The following SHANK2 variants were observed in gnomAD, a reference collection of about 807,000 sequenced individuals.
SHANK2 encodes the protein SH3 and multiple ankyrin repeat domains protein 2.
SHANK2 carries 43 observed loss-of-function variants against 133.7 expected under a neutral mutation model. The ratio of observed to expected loss-of-function variants is 0.32; its 90% CI spans 0.25 to 0.41. The LOEUF (loss-of-function observed/expected upper bound fraction) is 0.41, where lower values mean the gene tolerates loss of function less well. Ranked by LOEUF, SHANK2 falls within the 10% of genes least tolerant of loss-of-function variation. The pLI is 1.00. For synonymous variants in SHANK2, 1,017 were observed against 952.8 expected (o/e 1.07, Z -1.24); for missense variants, 1,994 against 2,235.8 (o/e 0.89, Z 2.18).
At chr11:70,680,375 G>A (rs903205536) in intron 15 of SHANK2, among the ~76,000 whole-genome samples, 3 of 152,112 alleles carry the variant, frequency 2.0e-5, no homozygotes, top group Admixed American at 6.5e-5. Flanking sequence ...GTTGGAGGGC[G>A]GGCTCCCCAC....
At chr11:70,489,521 G>A (rs1366132096) in intron 23 of SHANK2, 173 bp from the exon 24 acceptor site, 4 of 707,436 alleles carry the variant, frequency 5.7e-6, no homozygotes, top group Non-Finnish European at 1.0e-5. Context: ...AGCACGCTGC[G>A]CTTTTGCACA....
intron 14 of SHANK2, among the ~76,000 whole-genome samples, chr11:70,774,108 G>A (rs1947311316): frequency 6.6e-6 from 1 of 152,202 alleles, no homozygotes; most frequent in Admixed American, 6.5e-5. Flanking sequence ...ACCATACAAT[G>A]AAATACAACT....
At chr11:71,085,776 TTATATTATATAATATATGATACAACATA>T (rs1951388933) in intron 8 of SHANK2, among the ~76,000 whole-genome samples, 1 of 74,650 alleles carries the variant, frequency 1.3e-5, no homozygotes, top group Non-Finnish European at 2.3e-5. Flanking sequence ...TATATTATAT[TTATATTATATAATATATGATACAACATA>T]ATATATTATG....
rs558192742 is a variant in SHANK2, at chr11:70,590,015, C to T, written c.2061+69813G>A. ...AAAAATACAAAAAAAATTAGCCAGG[C>T]GCGGTGGCGGGCGCCTGTAGTTCCA... On this transcript the variant is annotated intron_variant, in intron 17 of 25. Coordinates refer to ENST00000601538, the MANE Select transcript of SHANK2 (RefSeq NM_012309.5). 2.6e-5 allele frequency among the ~76,000 whole-genome samples: 4 copies of T among 152,236 alleles called. No homozygotes were observed. In the South Asian group the frequency reaches 6.2e-4, roughly 24 times the overall value.
At chr11:70,725,777 G>A (rs781901072) in intron 14 of SHANK2, among the ~76,000 whole-genome samples, 15 of 152,156 alleles carry the variant, frequency 9.9e-5, no homozygotes, top group Admixed American at 3.9e-4. Context: ...TGGATGACCC[G>A]GTAGACCTCT....
intron 17 of SHANK2, among the ~76,000 whole-genome samples, chr11:70,636,295 GTGTGTGAGCAGA>G (rs1186830717): frequency 6.6e-5 from 10 of 152,378 alleles, no homozygotes; most frequent in African/African-American, 1.4e-4. Flanking sequence ...GTATGAGTAT[GTGTGTGAGCAGA>G]TGTGTGAGCG....
chr11:70,864,013 T>C, intron 11 of SHANK2: 1 of 384,372 alleles, frequency 2.6e-6, no homozygotes. Context: ...ACTGGCTCCA[T>C]GGCCTCCCCT....
intron 3 of SHANK2, among the ~76,000 whole-genome samples, chr11:71,142,958 G>C (rs1323049942): frequency 2.6e-5 from 4 of 152,196 alleles, no homozygotes; most frequent in Non-Finnish European, 4.4e-5. Flanking sequence ...AGCAGGTCAG[G>C]CACAGTGGCT....
chr11:71,138,930 G>A (rs1952500166), intron 3 of SHANK2, among the ~76,000 whole-genome samples: 1 of 152,170 alleles, frequency 6.6e-6, no homozygotes, highest in African/African-American at 2.4e-5. Context: ...GGGAATGAGA[G>A]GGCAGGGCCC....
chr11:70,543,213 T>C (rs2059645313), intron 17 of SHANK2, among the ~76,000 whole-genome samples: 1 of 152,088 alleles, frequency 6.6e-6, no homozygotes, highest in African/African-American at 2.4e-5. Flanking sequence ...GTGAAATGGG[T>C]ATTTGGTTTT....
intron 17 of SHANK2, among the ~76,000 whole-genome samples, chr11:70,653,454 T>A (rs979507248): frequency 7.3e-5 from 11 of 151,478 alleles, no homozygotes; most frequent in Non-Finnish European, 1.2e-4. Flanking sequence ...ACATATATAT[T>A]TTTTTCAAGA....
chr11:71,208,148 C>T (rs1366880924), intron 2 of SHANK2, among the ~76,000 whole-genome samples: 2 of 152,182 alleles, frequency 1.3e-5, no homozygotes, highest in Admixed American at 6.5e-5. Context: ...CACAGAAAGC[C>T]ATGCAGTGGT....
At chr11:70,625,126 T>TCAGGCAAGGACAGG (rs1255050844) in intron 17 of SHANK2, among the ~76,000 whole-genome samples, 6 of 152,250 alleles carry the variant, frequency 3.9e-5, no homozygotes, top group Non-Finnish European at 7.4e-5. Context: ...CAGGCTGAGA[T>TCAGGCAAGGACAGG]CAGGCAAGGA....
rs572221901 is a variant in SHANK2, at chr11:70,900,241, C to G, written c.1108-3674G>C. Among the ~76,000 whole-genome samples, 3 of 152,114 alleles carry G rather than the reference C, an allele frequency of 2.0e-5. No homozygotes were observed. In the South Asian group the frequency reaches 6.2e-4, roughly 32 times the overall value. On this transcript the variant is annotated intron_variant, in intron 10 of 25. Coordinates refer to ENST00000601538, the MANE Select transcript of SHANK2 (RefSeq NM_012309.5). ...TGGTAGCATGCACCTGTAGTCTCAG[C>G]TATTCGGGAAGCTGAGGCAGGAGAA...
At chr11:71,164,580 T>C (rs1376956720) in intron 2 of SHANK2, among the ~76,000 whole-genome samples, 3 of 152,174 alleles carry the variant, frequency 2.0e-5, no homozygotes, top group African/African-American at 7.2e-5. Flanking sequence ...TAAGTTAAAT[T>C]ACTGTGTCTA....
intron 21 of SHANK2, among the ~76,000 whole-genome samples, chr11:70,498,299 G>A (rs577078427): frequency 5.9e-5 from 9 of 152,372 alleles, no homozygotes; most frequent in Admixed American, 3.3e-4. Context: ...CAGAAGCCGC[G>A]TGTGTTAGAA....
intron 25 of SHANK2, among the ~76,000 whole-genome samples, chr11:70,477,100 C>T (rs888602649): frequency 2.0e-5 from 3 of 152,092 alleles, no homozygotes; most frequent in African/African-American, 2.4e-5. Flanking sequence ...GCAGCGGGAG[C>T]GCGAGAGTGG....
At chr11:70,616,158 G>A (rs942376966) in intron 17 of SHANK2, among the ~76,000 whole-genome samples, 2 of 152,184 alleles carry the variant, frequency 1.3e-5, no homozygotes, top group African/African-American at 2.4e-5. Context: ...CATTCTTGTA[G>A]GTTGATAAGA....
intron 17 of SHANK2, among the ~76,000 whole-genome samples, chr11:70,615,788 T>C (rs1406717266): frequency 3.9e-5 from 6 of 152,150 alleles, no homozygotes; most frequent in Admixed American, 3.3e-4. Flanking sequence ...GGTTTGGTGG[T>C]AGAAGGAAGC....
Sources: gnomAD v4.1 joint callset for allele counts (sites outside exome capture counted in the v4.1 genomes callset) on GRCh38, gnomAD v4.1.1 for gene constraint, MANE v1.5 for transcripts, NCBI Gene and HGNC (gene_info 2026-07-23, HGNC 2026-07-21) for gene names.